EYS: variants seen among roughly 807,000 people sequenced by gnomAD.
The protein encoded by EYS is EGF-like photoreceptor maintenance factor.
In EYS, 250 loss-of-function variants were observed where a neutral mutation model predicts 282.1. That is an observed-to-expected ratio of 0.89 (90% CI 0.80 to 0.98). The LOEUF (loss-of-function observed/expected upper bound fraction) is 0.98. EYS is among the 50% of genes least tolerant of loss of function. EYS has a pLI of 0.00. For synonymous variants in EYS, 1,355 were observed against 1,282.9 expected, an observed-to-expected ratio of 1.06 and a Z score of -1.20; for missense variants, 4,016 against 3,709.0, an observed-to-expected ratio of 1.08 and a Z score of -2.15.
chr6:65,234,790 G>A (rs1766882555), intron 12 of EYS, among the ~76,000 whole-genome samples: 1 of 152,146 alleles, frequency 6.6e-6, no homozygotes, highest in Admixed American at 6.6e-5. Context: ...TGTGAGATAT[G>A]TTGATGCCAA....
intron 1 of EYS, among the ~76,000 whole-genome samples, chr6:65,680,731 A>G (rs1768784327): frequency 6.6e-6 from 1 of 151,916 alleles, no homozygotes; most frequent in Admixed American, 6.6e-5. Flanking sequence ...TATTCTCACA[A>G]TTCTCTTCCG....
chr6:64,452,721 T>G lies in EYS; in HGVS notation c.5645-13369A>C, dbSNP rs143369413. ...ATAATGCCGCATATCTACAACCATCTGATCTTTGACAAATCTGACAAAAAC... is the reference window on the plus strand; with the variant it reads ...ATAATGCCGCATATCTACAACCATCGGATCTTTGACAAATCTGACAAAAAC... On this transcript the variant is annotated intron_variant, in intron 26 of 42. Transcript: ENST00000503581. Among the ~76,000 whole-genome samples, 1,337 of 152,290 alleles carry G rather than the reference T, an allele frequency of 8.8e-3. 17 individuals carry two copies. Among genetic ancestry groups the G allele is most frequent in the African/African-American group, 0.03 (1,251 of 41,544 alleles).
chr6:65,151,621 T>A (rs1428385913), intron 12 of EYS, among the ~76,000 whole-genome samples: 2 of 152,014 alleles, frequency 1.3e-5, no homozygotes, highest in Non-Finnish European at 2.9e-5. Flanking sequence ...TAGTAATAGT[T>A]TGATTAGATA....
intron 35 of EYS, among the ~76,000 whole-genome samples, chr6:63,936,156 T>A (rs1765050697): frequency 6.6e-6 from 1 of 152,206 alleles, no homozygotes; most frequent in Non-Finnish European, 1.5e-5. Context: ...GATGGGGGTC[T>A]CACATTATTC....
chr6:64,997,124 G>T (rs1771289956), intron 14 of EYS, among the ~76,000 whole-genome samples: 2 of 151,986 alleles, frequency 1.3e-5, no homozygotes, highest in African/African-American at 4.8e-5. Flanking sequence ...TGTACTGAAG[G>T]GACAACACCA....
intron 33 of EYS, 132 bp from the exon 34 acceptor site, chr6:63,999,315 C>T: frequency 1.4e-6 from 1 of 692,304 alleles, no homozygotes; most frequent in Non-Finnish European, 2.6e-6. Flanking sequence ...GAAATATGGA[C>T]CCAGCCAAGT....
At chr6:65,507,501 T>C (rs1766700071) in intron 2 of EYS, among the ~76,000 whole-genome samples, 1 of 152,148 alleles carries the variant, frequency 6.6e-6, no homozygotes. Flanking sequence ...TTTTCAGCCA[T>C]TATTTTTTCA....
At chr6:65,472,479 G>A (rs1031434438) in intron 5 of EYS, among the ~76,000 whole-genome samples, 6 of 152,020 alleles carry the variant, frequency 3.9e-5, no homozygotes, top group African/African-American at 9.7e-5. Flanking sequence ...TTTAATGTAA[G>A]CAGTTACAAA....
intron 13 of EYS, among the ~76,000 whole-genome samples, chr6:65,046,011 C>T (rs1469718074): frequency 6.6e-6 from 1 of 151,744 alleles, no homozygotes; most frequent in Non-Finnish European, 1.5e-5. Flanking sequence ...CATCATATTC[C>T]TTTTGTCCCT....
At chr6:64,075,717 G>A (rs1771749863) in intron 32 of EYS, among the ~76,000 whole-genome samples, 1 of 151,878 alleles carries the variant, frequency 6.6e-6, no homozygotes, top group African/African-American at 2.4e-5. Flanking sequence ...GGTACAAGAG[G>A]AAAGGAGTTA....
At chr6:64,032,032 C>CA (rs1450977612) in intron 33 of EYS, among the ~76,000 whole-genome samples, 2 of 152,144 alleles carry the variant, frequency 1.3e-5, no homozygotes, top group Non-Finnish European at 2.9e-5. Context: ...CTTTAACACT[C>CA]ACCACGAAGG....
intron 14 of EYS, among the ~76,000 whole-genome samples, chr6:64,971,619 T>A (rs1474395043): frequency 6.6e-6 from 1 of 152,158 alleles, no homozygotes; most frequent in Non-Finnish European, 1.5e-5. Flanking sequence ...ATTCTTTTGA[T>A]AGTGGACATG....
At chr6:65,232,263 A>T (rs2150269028) in intron 12 of EYS, among the ~76,000 whole-genome samples, 1 of 152,152 alleles carries the variant, frequency 6.6e-6, no homozygotes, top group East Asian at 1.9e-4. Context: ...ATTAAAATAT[A>T]AATCCTTACT....
At chr6:63,828,815 T>A (rs917930139) in intron 36 of EYS, among the ~76,000 whole-genome samples, 1 of 152,172 alleles carries the variant, frequency 6.6e-6, no homozygotes, top group African/African-American at 2.4e-5. Flanking sequence ...AAGTAGATGT[T>A]TGTGTGGATG....
chr6:65,492,688 C>A (rs1041884729), intron 4 of EYS, among the ~76,000 whole-genome samples: 1 of 152,070 alleles, frequency 6.6e-6, no homozygotes, highest in Non-Finnish European at 1.5e-5. Context: ...TATACCCCAG[C>A]GGAAAGAAGA....
At chr6:64,573,435 A>G (rs1765786989) in intron 26 of EYS, among the ~76,000 whole-genome samples, 1 of 152,216 alleles carries the variant, frequency 6.6e-6, no homozygotes, top group Non-Finnish European at 1.5e-5. Context: ...AATGGGATCT[A>G]ATTAAACTAA....
At chr6:64,616,799 T>C (rs1471062829) in intron 24 of EYS, among the ~76,000 whole-genome samples, 2 of 152,164 alleles carry the variant, frequency 1.3e-5, no homozygotes, top group East Asian at 3.8e-4. Flanking sequence ...GCTGGTCTAA[T>C]AATGATATTT....
chr6:63,898,341 T>C (rs1012557290), intron 35 of EYS, among the ~76,000 whole-genome samples: 1 of 151,514 alleles, frequency 6.6e-6, no homozygotes, highest in African/African-American at 2.4e-5. Context: ...ACAAAAAAAA[T>C]TTAGCTGGGC....
intron 12 of EYS, among the ~76,000 whole-genome samples, chr6:65,188,386 T>C (rs116063160): frequency 1.6e-3 from 243 of 151,862 alleles, no homozygotes; most frequent in African/African-American, 5.3e-3. Context: ...GGTCTTATTT[T>C]CTTAAAAACA....
Sources: gnomAD v4.1 joint callset for allele counts (sites outside exome capture counted in the v4.1 genomes callset) on GRCh38, gnomAD v4.1.1 for gene constraint, MANE v1.5 for transcripts, NCBI Gene and HGNC (gene_info 2026-07-23, HGNC 2026-07-21) for gene names.